The following DNER variants were observed in gnomAD, a reference collection of about 807,000 sequenced individuals.
DNER encodes the protein delta and Notch-like epidermal growth factor-related receptor.
Under a neutral mutation model 78.2 loss-of-function variants are expected in DNER, and 33 were observed. That is an observed-to-expected ratio of 0.42 (90% CI 0.32 to 0.56). DNER has a LOEUF of 0.56. DNER is among the 20% of genes least tolerant of loss of function. The pLI is 0.11. For synonymous variants in DNER, 417 were observed against 384.8 expected (o/e 1.08, Z -0.98); for missense variants, 918 against 975.3 (o/e 0.94, Z 0.78).
intron 6 of DNER, among the ~76,000 whole-genome samples, chr2:229,479,522 G>C (rs1276104377): frequency 1.3e-5 from 2 of 152,146 alleles, no homozygotes; most frequent in Non-Finnish European, 2.9e-5. Flanking sequence ...AGACCAGCCT[G>C]ACCAGCATGG....
At chr2:229,392,363 C>T (rs1270833430) in intron 10 of DNER, among the ~76,000 whole-genome samples, 1 of 151,836 alleles carries the variant, frequency 6.6e-6, no homozygotes, top group Admixed American at 6.6e-5. Context: ...AGCTGAGCAC[C>T]ACAATCATTC....
intron 4 of DNER, among the ~76,000 whole-genome samples, chr2:229,557,844 G>A (rs1696881496): frequency 1.3e-5 from 2 of 152,124 alleles, no homozygotes; most frequent in South Asian, 2.1e-4. Context: ...CCTAAAGACA[G>A]AAATACCATT....
intron 9 of DNER, among the ~76,000 whole-genome samples, chr2:229,416,695 T>A (rs1693659755): frequency 6.6e-6 from 1 of 152,164 alleles, no homozygotes; most frequent in Admixed American, 6.5e-5. Flanking sequence ...AGTCATCAGT[T>A]CTCTCTGGAG....
intron 6 of DNER, among the ~76,000 whole-genome samples, chr2:229,505,462 G>T (rs1004504477): frequency 6.6e-6 from 1 of 152,060 alleles, no homozygotes; most frequent in African/African-American, 2.4e-5. Flanking sequence ...GAGCCGGGGG[G>T]GTCCCCTGGA....
intron 7 of DNER, among the ~76,000 whole-genome samples, chr2:229,464,825 C>T (rs1210179993): frequency 1.3e-5 from 2 of 152,096 alleles, no homozygotes; most frequent in East Asian, 3.9e-4. Context: ...ATGTGAGGGC[C>T]CCTATGAAGA....
intron 11 of DNER, among the ~76,000 whole-genome samples, chr2:229,377,091 A>C (rs1692621606): frequency 6.6e-6 from 1 of 152,178 alleles, no homozygotes; most frequent in South Asian, 2.1e-4. Context: ...TCATATATTC[A>C]AACCTGCCCT....
At chr2:229,425,242 T>G (rs1023326373) in intron 8 of DNER, among the ~76,000 whole-genome samples, 1 of 151,950 alleles carries the variant, frequency 6.6e-6, no homozygotes, top group East Asian at 1.9e-4. Context: ...TAGAGCGGAG[T>G]AAGAAGGGAG....
At chr2:229,678,483 A>C (rs1699333125) in intron 1 of DNER, among the ~76,000 whole-genome samples, 2 of 152,098 alleles carry the variant, frequency 1.3e-5, no homozygotes, top group African/African-American at 4.8e-5. Context: ...ATATGAAGTT[A>C]TTAAAAAGGT....
chr2:229,387,483 AAAAG>A lies in DNER; in HGVS notation c.1855+778_1855+781del, dbSNP rs58243326. On this transcript the variant is annotated intron_variant, in intron 11 of 12. Transcript: ENST00000341772. The stretch of plus-strand genomic sequence containing the variant: ...CAGAACTTAAAGTATAATAGAAAGA[AAAAG>A]AAAGAAAGAAAGAAAGAAAGAGAGA... Among the ~76,000 whole-genome samples, 1,108 of 111,534 alleles carry A rather than the reference AAAAG, an allele frequency of 9.9e-3. 41 individuals carry two copies. The highest frequency in any genetic ancestry group is 0.081 in the East Asian group (297 of 3,668). The allele number at this position is 111,534 out of a possible 152,430, so 73.2% of individuals were successfully genotyped here. A position where few individuals can be genotyped will look rare whatever the true frequency, so the allele number is the denominator to read the frequency against.
At chr2:229,564,486 A>T (rs1697058384) in intron 4 of DNER, among the ~76,000 whole-genome samples, 2 of 149,954 alleles carry the variant, frequency 1.3e-5, no homozygotes, top group South Asian at 4.3e-4. Flanking sequence ...CGCCATCATC[A>T]TCATCACACC....
At chr2:229,684,167 AGAGTGTGTGTGTGT>A (rs1388842975) in intron 1 of DNER, among the ~76,000 whole-genome samples, 14 of 103,178 alleles carry the variant, frequency 1.4e-4, no homozygotes, top group Non-Finnish European at 1.0e-4. Context: ...AGAGAGAGAG[AGAGTGTGTGTGTGT>A]GTGTGTGTGT....
intron 10 of DNER, among the ~76,000 whole-genome samples, chr2:229,402,130 C>G (rs955888872): frequency 1.5e-5 from 2 of 136,256 alleles, no homozygotes; most frequent in Non-Finnish European, 3.3e-5. Context: ...ACCAGAAAAG[C>G]ACAAACCATA....
chr2:229,557,656 G>C (rs931969785), intron 4 of DNER, among the ~76,000 whole-genome samples: 1 of 150,596 alleles, frequency 6.6e-6, no homozygotes, highest in Non-Finnish European at 1.5e-5. Flanking sequence ...GAAAAAGAGA[G>C]AGTAAAAGAG....
intron 1 of DNER, among the ~76,000 whole-genome samples, chr2:229,704,848 A>G (rs889856885): frequency 3.3e-5 from 5 of 152,268 alleles, no homozygotes; most frequent in African/African-American, 1.2e-4. Flanking sequence ...AATCCTTTGT[A>G]GAAGAAGCAA....
intron 10 of DNER, among the ~76,000 whole-genome samples, chr2:229,402,193 C>G (rs868005721): frequency 2.6e-5 from 4 of 152,042 alleles, no homozygotes; most frequent in African/African-American, 9.6e-5. Context: ...AAACTTTACT[C>G]CCCAAAAGAT....
chr2:229,380,001 C>G (rs1388179380), intron 11 of DNER, among the ~76,000 whole-genome samples: 1 of 152,166 alleles, frequency 6.6e-6, no homozygotes, highest in Admixed American at 6.5e-5. Flanking sequence ...AAGGGGGAGG[C>G]CTATAACAAT....
At position 229,634,383 on chromosome 2, in the gene DNER, T is replaced by G. The variant is rs114511792; in HGVS notation, c.277-42495A>C. Among the ~76,000 whole-genome samples the G allele has an allele frequency of 2.0e-3, 301 of 152,322 alleles. 1 individual carries two copies. The highest frequency in any genetic ancestry group is 7.1e-3 in the African/African-American group (296 of 41,582). On this transcript the variant is annotated intron_variant, in intron 1 of 12. Transcript: ENST00000341772. Reference sequence around the variant, plus strand: ...TGAAATATCCCAATAAATTCCACTGTACTCTCGCCACACTACTGCAGCATT... The same window carrying G: ...TGAAATATCCCAATAAATTCCACTGGACTCTCGCCACACTACTGCAGCATT...
intron 11 of DNER, among the ~76,000 whole-genome samples, chr2:229,375,198 A>T (rs913025041): frequency 6.6e-6 from 1 of 152,216 alleles, no homozygotes; most frequent in Non-Finnish European, 1.5e-5. Flanking sequence ...GCAGATGCCC[A>T]GAGACTTTTA....
At chr2:229,615,390 C>T (rs926169561) in intron 1 of DNER, among the ~76,000 whole-genome samples, 1 of 138,144 alleles carries the variant, frequency 7.2e-6, no homozygotes, top group African/African-American at 2.8e-5. Flanking sequence ...CAGCCTGAGC[C>T]ACAAGAGCAA....
Sources: gnomAD v4.1 joint callset for allele counts (sites outside exome capture counted in the v4.1 genomes callset) on GRCh38, gnomAD v4.1.1 for gene constraint, MANE v1.5 for transcripts, NCBI Gene and HGNC (gene_info 2026-07-23, HGNC 2026-07-21) for gene names.